GSE1: variants seen among roughly 807,000 people sequenced by gnomAD.
The protein encoded by GSE1 is genetic suppressor element 1.
A neutral mutation model predicts 112.6 loss-of-function variants in GSE1; 32 were observed. The observed-to-expected ratio is 0.28, with a 90% CI of 0.21 to 0.38. GSE1 has a LOEUF of 0.38. GSE1 is among the 10% of genes least tolerant of loss of function. The pLI is 1.00. For synonymous variants in GSE1, 1,115 were observed against 735.6 expected, an observed-to-expected ratio of 1.52 and a Z score of -8.35; for missense variants, 2,348 against 1,699.2, an observed-to-expected ratio of 1.38 and a Z score of -6.71.
intron 2 of GSE1, among the ~76,000 whole-genome samples, chr16:85,415,800 G>A (rs1323250200): frequency 6.6e-6 from 1 of 152,232 alleles, no homozygotes; most frequent in Admixed American, 6.5e-5. Context: ...TGGCAGGCAG[G>A]CCCGCTAGAA....
intron 2 of GSE1, among the ~76,000 whole-genome samples, chr16:85,549,902 C>G (rs1428909950): frequency 6.6e-6 from 1 of 152,148 alleles, no homozygotes; most frequent in African/African-American, 2.4e-5. Flanking sequence ...GGAGGGGATG[C>G]TGGGGCAGGT....
At chr16:85,639,776 C>T (rs2050293365) in intron 2 of GSE1, among the ~76,000 whole-genome samples, 1 of 152,254 alleles carries the variant, frequency 6.6e-6, no homozygotes, top group Admixed American at 6.5e-5. Flanking sequence ...TGTGACGAAG[C>T]CAGGGCTGCT....
chr16:85,198,205 C>T lies in GSE1; in HGVS notation c.2283+26398C>T, dbSNP rs530530764. ...GAGCTGCAGTGAACCTGAGGACCCA[C>T]AGGGTCACTGTAGCTCCCAACCATG... On this transcript the variant is annotated intron_variant, in intron 1 of 2. Coordinates refer to the GSE1 transcript ENST00000637419. 8.5e-5 allele frequency among the ~76,000 whole-genome samples: 13 copies of T among 152,310 alleles called. No homozygotes were observed. The South Asian group carries it at 2.7e-3, about 32-fold the overall frequency.
At chr16:85,354,616 G>A (rs1409284608) in intron 1 of GSE1, among the ~76,000 whole-genome samples, 1 of 152,232 alleles carries the variant, frequency 6.6e-6, no homozygotes, top group Non-Finnish European at 1.5e-5. Context: ...GGGACCAGGA[G>A]GTGGACAGGG....
At chr16:85,390,262 C>T (rs574089009) in intron 2 of GSE1, among the ~76,000 whole-genome samples, 4 of 152,132 alleles carry the variant, frequency 2.6e-5, no homozygotes, top group South Asian at 4.2e-4. Context: ...GTCACAGGCA[C>T]GGTTCTGCTG....
intron 2 of GSE1, among the ~76,000 whole-genome samples, chr16:85,548,713 G>A (rs1239485773): frequency 6.6e-6 from 1 of 152,226 alleles, no homozygotes; most frequent in Non-Finnish European, 1.5e-5. Context: ...ACGTGGGGGT[G>A]CAGGTGCTTC....
chr16:85,537,040 G>A (rs565335523), intron 2 of GSE1, among the ~76,000 whole-genome samples: 1 of 152,354 alleles, frequency 6.6e-6, no homozygotes, highest in East Asian at 1.9e-4. Context: ...GTCAGGTCCT[G>A]CCCTCTCCAG....
chr16:85,210,280 A>G (rs1160040734), intron 1 of GSE1, among the ~76,000 whole-genome samples: 1 of 152,216 alleles, frequency 6.6e-6, no homozygotes, highest in African/African-American at 2.4e-5. Flanking sequence ...TGTTCTTTGC[A>G]CTGTTATTTA....
chr16:85,357,794 C>T (rs577307675), intron 2 of GSE1, among the ~76,000 whole-genome samples: 1 of 152,298 alleles, frequency 6.6e-6, no homozygotes, highest in South Asian at 2.1e-4. Context: ...GTCTCCCTTA[C>T]TGGAGTTTGG....
intron 1 of GSE1, among the ~76,000 whole-genome samples, chr16:85,590,405 G>A (rs1164313382): frequency 6.6e-6 from 1 of 151,460 alleles, no homozygotes; most frequent in Non-Finnish European, 1.5e-5. Context: ...GTGACATTGT[G>A]TGTGTGAACA....
At chr16:85,423,514 G>A (rs1357075147) in intron 2 of GSE1, among the ~76,000 whole-genome samples, 2 of 152,222 alleles carry the variant, frequency 1.3e-5, no homozygotes, top group East Asian at 3.8e-4. Context: ...TGTGCAGCCA[G>A]GGCCTCAACA....
chr16:85,562,968 G>C (rs530114009), intron 1 of GSE1, among the ~76,000 whole-genome samples: 2 of 152,330 alleles, frequency 1.3e-5, no homozygotes, highest in East Asian at 3.9e-4. Context: ...GGCCCTTAAC[G>C]TGGCCTTTCA....
chr16:85,561,129 C>CA lies in GSE1; in HGVS notation c.37+4781dup, dbSNP rs763772429. ...CCTGGGTGACAGTGAGACCTTGTCTCAAAAAAAAAAAAAAATTATTCATGA... is the reference window on the plus strand; with the variant it reads ...CCTGGGTGACAGTGAGACCTTGTCTCAAAAAAAAAAAAAAAATTATTCATGA... On this transcript the variant is annotated intron_variant, in intron 1 of 2. Transcript: ENST00000635906. 8.1e-3 allele frequency among the ~76,000 whole-genome samples: 1,081 copies of CA among 133,480 alleles called. 10 individuals are homozygous for CA. The highest frequency in any genetic ancestry group is 0.023 in the African/African-American group (834 of 36,118). The allele number at this position is 133,480 out of a possible 152,430, so 87.6% of individuals were successfully genotyped here. A position where few individuals can be genotyped will look rare whatever the true frequency, so the allele number is the denominator to read the frequency against.
chr16:85,557,055 G>A (rs2045264256), intron 1 of GSE1, among the ~76,000 whole-genome samples: 2 of 152,046 alleles, frequency 1.3e-5, no homozygotes, highest in African/African-American at 4.8e-5. Flanking sequence ...GTTGACAGCT[G>A]GAGGTTTGGG....
intron 2 of GSE1, among the ~76,000 whole-genome samples, chr16:85,639,496 C>T (rs536522349): frequency 2.6e-4 from 24 of 92,438 alleles, no homozygotes; most frequent in South Asian, 2.1e-3. Context: ...GCCTCCTGGG[C>T]GCCAGGCCTA....
chr16:85,617,592 ACCCT>A (rs1567658607), intron 1 of GSE1, among the ~76,000 whole-genome samples: 7 of 80,004 alleles, frequency 8.7e-5, no homozygotes, highest in Non-Finnish European at 1.2e-4. Flanking sequence ...CCGTGTGTCA[ACCCT>A]CCCCCCCCCC....
At chr16:85,196,284 G>A (rs1027298899) in intron 1 of GSE1, among the ~76,000 whole-genome samples, 1 of 152,178 alleles carries the variant, frequency 6.6e-6, no homozygotes, top group African/African-American at 2.4e-5. Context: ...GGTGACTAGG[G>A]AGAGAAGGCC....
At chr16:85,438,822 G>A (rs188847616) in intron 2 of GSE1, among the ~76,000 whole-genome samples, 184 of 152,316 alleles carry the variant, frequency 1.2e-3, no homozygotes, top group Non-Finnish European at 1.8e-3. Context: ...GGCAGAGCTG[G>A]GACCAGCCCT....
intron 2 of GSE1, among the ~76,000 whole-genome samples, chr16:85,393,166 G>C (rs1255521620): frequency 6.6e-6 from 1 of 152,248 alleles, no homozygotes; most frequent in Non-Finnish European, 1.5e-5. Flanking sequence ...CACTTTGGGA[G>C]GCTGAAGTGG....
Sources: gnomAD v4.1 joint callset for allele counts (sites outside exome capture counted in the v4.1 genomes callset) on GRCh38, gnomAD v4.1.1 for gene constraint, MANE v1.5 for transcripts, NCBI Gene and HGNC (gene_info 2026-07-23, HGNC 2026-07-21) for gene names.